Variants in CALN1 observed in about 807,000 individuals in gnomAD.
CALN1 encodes calcium-binding protein 8.
A neutral mutation model predicts 30.6 loss-of-function variants in CALN1; 17 were observed. The observed-to-expected ratio is 0.56, with a 90% CI of 0.38 to 0.83. The LOEUF (loss-of-function observed/expected upper bound fraction) is 0.83, where lower values mean the gene tolerates loss of function less well. Among genes scored for constraint, CALN1 ranks in the 40% least tolerant of loss-of-function variants. The probability of loss-of-function intolerance (pLI) is 0.00; values close to 1 mark genes in which losing one functional copy is unlikely to be tolerated. For missense variants in CALN1, 291 were observed against 354.9 expected (o/e 0.82, Z 1.45); for synonymous variants, 156 against 131.4 (o/e 1.19, Z -1.28).
chr7:71,920,619 G>C (rs763910431), intron 5 of CALN1, among the ~76,000 whole-genome samples: 1 of 152,180 alleles, frequency 6.6e-6, no homozygotes, highest in Admixed American at 6.5e-5. Flanking sequence ...ACAGGCGTGA[G>C]CCACAGCACC....
At chr7:72,377,601 T>C (rs2129560644) in intron 2 of CALN1, among the ~76,000 whole-genome samples, 1 of 152,316 alleles carries the variant, frequency 6.6e-6, no homozygotes, top group East Asian at 1.9e-4. Flanking sequence ...TTATTGTTTG[T>C]TTGTTTAGCA....
At chr7:72,473,683 A>G in the CALN1 span, among the ~76,000 whole-genome samples, 2 of 152,212 alleles carry the variant, frequency 1.3e-5, no homozygotes, top group Non-Finnish European at 2.9e-5. Context: ...CTGTAATCCC[A>G]GCACTTTGGG....
rs2129525222 is a variant in CALN1, at chr7:71,962,073, A to C, written c.501+61584T>G. On this transcript the variant is annotated intron_variant, in intron 5 of 6. Coordinates refer to ENST00000395275, the MANE Select transcript of CALN1 (RefSeq NM_031468.4). ...CCGTTTTCTCATAAAACAAGATGCA[A>C]GTGCAAGATAGGAAAGTTATTATAA... Among the ~76,000 whole-genome samples the C allele has an allele frequency of 1.3e-5, 2 of 150,200 alleles. 1 individual carries two copies. Among genetic ancestry groups the C allele is most frequent in the South Asian group, 4.2e-4 (2 of 4,736 alleles).
intron 3 of CALN1, among the ~76,000 whole-genome samples, chr7:72,198,875 A>G (rs537320496): frequency 5.3e-5 from 8 of 152,326 alleles, no homozygotes; most frequent in African/African-American, 1.7e-4. Context: ...AGCACTGAGG[A>G]GGTCATCAAG....
At chr7:72,084,020 C>T (rs1198666320) in intron 4 of CALN1, among the ~76,000 whole-genome samples, 1 of 151,798 alleles carries the variant, frequency 6.6e-6, no homozygotes. Context: ...ACCAGCCTGG[C>T]TAACATAGTG....
chr7:72,054,438 TATATATATAC>T lies in CALN1; in HGVS notation c.389-30679_389-30670del, dbSNP rs1466606428. ...ATATACGTGTATATATACACGTATA[TATATATATAC>T]ATATATATACATATATATACATATA... On this transcript the variant is annotated intron_variant, in intron 4 of 6. Transcript: ENST00000395275. Among the ~76,000 whole-genome samples the T allele has an allele frequency of 1.1e-3, 55 of 48,942 alleles. 2 individuals are homozygous for T. The highest frequency in any genetic ancestry group is 1.9e-3 in the Non-Finnish European group (47 of 24,136). The allele number at this position is 48,942 out of a possible 152,430, so 32.1% of individuals were successfully genotyped here.
chr7:72,135,143 C>T (rs1809418000), intron 3 of CALN1, among the ~76,000 whole-genome samples: 1 of 152,200 alleles, frequency 6.6e-6, no homozygotes, highest in Admixed American at 6.5e-5. Context: ...CAGCGACTTC[C>T]TCCACTGAAG....
At chr7:72,338,385 C>A (rs1296755752) in intron 2 of CALN1, among the ~76,000 whole-genome samples, 1 of 152,162 alleles carries the variant, frequency 6.6e-6, no homozygotes, top group African/African-American at 2.4e-5. Context: ...CTCTAAGCCT[C>A]TCATGCAAAC....
intron 3 of CALN1, among the ~76,000 whole-genome samples, chr7:72,137,389 T>C (rs894743655): frequency 2.6e-5 from 4 of 152,170 alleles, no homozygotes; most frequent in Admixed American, 6.5e-5. Context: ...CTAACAGATA[T>C]AATAATGAAA....
At chr7:72,138,717 G>A (rs377010206) in intron 3 of CALN1, among the ~76,000 whole-genome samples, 5 of 152,140 alleles carry the variant, frequency 3.3e-5, no homozygotes, top group African/African-American at 9.7e-5. Context: ...TTGGTTTCAC[G>A]ACAATATGCC....
intron 3 of CALN1, among the ~76,000 whole-genome samples, chr7:72,278,010 G>GGGC (rs1554348530): frequency 0.032 from 2,938 of 90,490 alleles, 289 homozygotes; most frequent in Non-Finnish European, 0.047. Context: ...CTCTATTCCG[G>GGGC]GGGGGGGGGA....
chr7:72,278,008 CGG>C (rs3032250), intron 3 of CALN1, among the ~76,000 whole-genome samples: 739 of 49,100 alleles, frequency 0.015, 83 homozygotes, highest in African/African-American at 0.056. Context: ...TCCTCTATTC[CGG>C]GGGGGGGGGA....
At chr7:72,302,837 G>A (rs1009432353) in intron 2 of CALN1, among the ~76,000 whole-genome samples, 3 of 145,318 alleles carry the variant, frequency 2.1e-5, no homozygotes, top group Non-Finnish European at 4.5e-5. Flanking sequence ...GGCGGATGTT[G>A]CAGTGAGCCG....
At chr7:71,915,100 C>T (rs143718149) in intron 5 of CALN1, among the ~76,000 whole-genome samples, 69 of 152,312 alleles carry the variant, frequency 4.5e-4, no homozygotes, top group African/African-American at 1.4e-3. Context: ...CTCCACTGCC[C>T]TGGGTCTCTC....
At chr7:72,322,419 C>T (rs986965941) in intron 2 of CALN1, among the ~76,000 whole-genome samples, 1 of 152,146 alleles carries the variant, frequency 6.6e-6, no homozygotes, top group Admixed American at 6.5e-5. Flanking sequence ...TCCTAACAGG[C>T]CATGGACCAG....
the CALN1 span, among the ~76,000 whole-genome samples, chr7:72,492,637 G>C: frequency 6.6e-6 from 1 of 152,214 alleles, no homozygotes; most frequent in Non-Finnish European, 1.5e-5. Flanking sequence ...CATGCCAACC[G>C]CTGGGTCAGC....
At chr7:72,107,979 G>T (rs976041171) in intron 3 of CALN1, among the ~76,000 whole-genome samples, 41 of 152,216 alleles carry the variant, frequency 2.7e-4, no homozygotes, top group African/African-American at 9.6e-4. Flanking sequence ...GCCCTGGCAT[G>T]ATCATTACCA....
intron 5 of CALN1, among the ~76,000 whole-genome samples, chr7:71,921,308 A>G (rs1363898012): frequency 1.3e-5 from 2 of 152,216 alleles, no homozygotes; most frequent in Non-Finnish European, 2.9e-5. Flanking sequence ...GTGTATACCT[A>G]TGTAACAAAC....
chr7:71,865,354 T>C (rs1056545984), intron 5 of CALN1, among the ~76,000 whole-genome samples: 1 of 152,234 alleles, frequency 6.6e-6, no homozygotes, highest in Non-Finnish European at 1.5e-5. Context: ...AAGTGCCTGC[T>C]TCTCCAGGAG....
Sources: allele counts gnomAD v4.1 joint callset (sites outside exome capture counted in the v4.1 genomes callset), GRCh38; gene constraint gnomAD v4.1.1; transcripts MANE v1.5; gene names NCBI Gene and HGNC (gene_info 2026-07-23, HGNC 2026-07-21).